COL6A5: variants seen among roughly 807,000 people sequenced by gnomAD.
The protein encoded by COL6A5 is collagen type VI alpha 5 chain, also known as collagen alpha-5(VI) chain.
A neutral mutation model predicts 65.6 loss-of-function variants in COL6A5; 48 were observed. The ratio of observed to expected loss-of-function variants is 0.73; its 90% CI spans 0.58 to 0.93. The LOEUF (loss-of-function observed/expected upper bound fraction) is 0.93, where lower values mean the gene tolerates loss of function less well. COL6A5 is among the 40% of genes least tolerant of loss of function. The probability of loss-of-function intolerance (pLI) is 0.00; values close to 1 mark genes in which losing one functional copy is unlikely to be tolerated. For missense variants in COL6A5, 914 were observed against 928.3 expected (o/e 0.98, Z 0.20); for synonymous variants, 291 against 322.8 (o/e 0.90, Z 1.05).
At chr3:130,472,633 A>G (rs139579723) in intron 7 of COL6A5, among the ~76,000 whole-genome samples, 25 of 151,974 alleles carry the variant, frequency 1.6e-4, no homozygotes, top group African/African-American at 5.5e-4. Flanking sequence ...TTCATTGTAT[A>G]TACCCTATAG....
intron 2 of COL6A5, among the ~76,000 whole-genome samples, chr3:130,374,373 A>G (rs982175990): frequency 2.6e-5 from 4 of 152,176 alleles, no homozygotes; most frequent in Non-Finnish European, 5.9e-5. Flanking sequence ...AAACACATCT[A>G]AACACAGAAA....
rs1359069184 is a variant in COL6A5, at chr3:130,376,613, T to C, written c.444T>C (p.Asp148=). Residue 148 remains aspartate (D), a synonymous_variant and NMD_transcript_variant, in exon 3 of 42, where the codon GAT becomes GAC. Coordinates refer to the COL6A5 transcript ENST00000312481. ...TCCTGGCTTCGGCTGAGTCTGAGGA[T>C]GAAGTGGAAGAGGCTTCGAAAGCCC... 6 of 1,610,806 alleles carry C rather than the reference T, an allele frequency of 3.7e-6. No individual in the cohort carries two copies. The South Asian group carries it at 6.6e-5, about 18-fold the overall frequency.
At chr3:130,444,622 T>C (rs1279000078) in intron 4 of COL6A5, among the ~76,000 whole-genome samples, 1 of 152,148 alleles carries the variant, frequency 6.6e-6, no homozygotes, top group Non-Finnish European at 1.5e-5. Flanking sequence ...CTCTCGATTT[T>C]GAGGCAGGAT....
intron 3 of COL6A5, among the ~76,000 whole-genome samples, chr3:130,442,355 A>G (rs925296855): frequency 2.0e-5 from 3 of 150,934 alleles, no homozygotes. Context: ...TTCTTGGCTC[A>G]GAGTCATTGG....
chr3:130,449,613 T>C (rs914166490), intron 4 of COL6A5, among the ~76,000 whole-genome samples: 3 of 152,136 alleles, frequency 2.0e-5, no homozygotes, highest in African/African-American at 7.2e-5. Context: ...TCAGCACCAG[T>C]ATCTACTAGG....
At position 130,471,661 on chromosome 3, in the gene COL6A5, CTCTCT is replaced by C. The variant is rs953087883; in HGVS notation, c.2328+700_2328+704del. ...GGGACTTGGCTAACTAATTTTTTAT[CTCTCT>C]TCTCTATTACCTCAGACTTCTTCCT... On this transcript the variant is annotated intron_variant, in intron 7 of 7. Transcript: ENST00000512836. The C allele has an allele frequency of 1.4e-5, 21 of 1,527,162 alleles. No individual in the cohort carries two copies. Among genetic ancestry groups the C allele is most frequent in the Non-Finnish European group, 1.8e-5 (21 of 1,142,664 alleles). The allele number at this position is 1,527,162 out of a possible 1,614,324, so 94.6% of individuals were successfully genotyped here. A position where few individuals can be genotyped will look rare whatever the true frequency, so the allele number is the denominator to read the frequency against.
At chr3:130,466,551 C>T (rs936153084) in intron 5 of COL6A5, among the ~76,000 whole-genome samples, 6 of 151,704 alleles carry the variant, frequency 4.0e-5, no homozygotes, top group Admixed American at 6.6e-5. Flanking sequence ...ACAACTTCTA[C>T]CTTAAGAAAT....
At chr3:130,354,301 G>A (rs1294294771) in intron 1 of COL6A5, among the ~76,000 whole-genome samples, 1 of 152,142 alleles carries the variant, frequency 6.6e-6, no homozygotes, top group Admixed American at 6.5e-5. Flanking sequence ...GCGGGAAAAG[G>A]AAATGAATGG....
At chr3:130,442,549 C>A (rs1338568212) in intron 3 of COL6A5, among the ~76,000 whole-genome samples, 1 of 152,168 alleles carries the variant, frequency 6.6e-6, no homozygotes, top group Non-Finnish European at 1.5e-5. Context: ...ACCCAATTCG[C>A]TGCCTTCCCA....
chr3:130,456,322 A>T (rs542626747), intron 5 of COL6A5, among the ~76,000 whole-genome samples: 2 of 152,132 alleles, frequency 1.3e-5, no homozygotes, highest in Non-Finnish European at 2.9e-5. Context: ...TTCATTAAAA[A>T]GTGTGAGGGG....
At chr3:130,470,402 G>T (rs1410573147) in intron 6 of COL6A5, among the ~76,000 whole-genome samples, 1 of 151,974 alleles carries the variant, frequency 6.6e-6, no homozygotes, top group East Asian at 1.9e-4. Context: ...CAGTTCGCAG[G>T]AATCTTGGAA....
At chr3:130,376,935 C>T (rs1000801978) in intron 3 of COL6A5, 99 bp downstream of exon 3, 6 of 1,326,210 alleles carry the variant, frequency 4.5e-6, no homozygotes, top group Admixed American at 2.8e-5. Flanking sequence ...TCATGATTAG[C>T]CATGTTGAAG....
intron 7 of COL6A5, among the ~76,000 whole-genome samples, chr3:130,393,938 G>A (rs1936497223): frequency 6.6e-6 from 1 of 152,184 alleles, no homozygotes; most frequent in African/African-American, 2.4e-5. Flanking sequence ...TACTCCCATA[G>A]CTGGGGAGTA....
chr3:130,382,577 A>G (rs1936036873), intron 4 of COL6A5, among the ~76,000 whole-genome samples: 2 of 152,150 alleles, frequency 1.3e-5, no homozygotes, highest in Non-Finnish European at 2.9e-5. Context: ...GGGCCCATGC[A>G]TTTTAGTGAT....
chr3:130,384,876 T>G, exon 5 of COL6A5: 1 of 1,550,832 alleles, frequency 6.4e-7, no homozygotes. Flanking sequence ...GAGAAACAGT[T>G]TGAGCAAATC....
rs146270889 is a variant in COL6A5 at position 130,450,321 on chromosome 3, G to A, written c.1333-5134G>A. Among the ~76,000 whole-genome samples, 27 of 152,186 alleles carry A rather than the reference G, an allele frequency of 1.8e-4. No individual in the cohort carries two copies. The East Asian group carries it at 4.1e-3, about 23-fold the overall frequency. ...ATATTTGCCCAATGTTTACCTTTGC[G>A]ACAACGTGGGCAAACAGTAGGAGCA... is the stretch of plus-strand genomic sequence containing the variant. On this transcript the variant is annotated intron_variant, in intron 4 of 7. Transcript: ENST00000512836.
chr3:130,451,142 G>A (rs1257639167), intron 4 of COL6A5, among the ~76,000 whole-genome samples: 1 of 152,138 alleles, frequency 6.6e-6, no homozygotes, highest in Non-Finnish European at 1.5e-5. Flanking sequence ...AAGATTAAGA[G>A]GTACATAATG....
intron 11 of COL6A5, 124 bp from the exon 12 acceptor site, chr3:130,401,638 G>GC: frequency 1.4e-6 from 1 of 715,470 alleles, no homozygotes; most frequent in Non-Finnish European, 2.4e-6. Flanking sequence ...ATTCTCTGCA[G>GC]CCCCTCATCC....
At chr3:130,372,077 TG>T (rs1190059320) in intron 1 of COL6A5, among the ~76,000 whole-genome samples, 2 of 152,154 alleles carry the variant, frequency 1.3e-5, no homozygotes, top group Non-Finnish European at 2.9e-5. Context: ...ATTAAGTACC[TG>T]AAAAGATAAC....
Sources: allele counts gnomAD v4.1 joint callset (sites outside exome capture counted in the v4.1 genomes callset), GRCh38; gene constraint gnomAD v4.1.1; transcripts MANE v1.5; gene names NCBI Gene and HGNC (gene_info 2026-07-23, HGNC 2026-07-21).